FNDC1: variants seen among roughly 807,000 people sequenced by gnomAD.
FNDC1 encodes fibronectin type III domain-containing protein 1.
A neutral mutation model predicts 168.0 loss-of-function variants in FNDC1; 96 were observed. That is an observed-to-expected ratio of 0.57 (90% confidence interval 0.48 to 0.68). The LOEUF (loss-of-function observed/expected upper bound fraction) is 0.68. Among genes scored for constraint, FNDC1 ranks in the 30% least tolerant of loss-of-function variants. FNDC1 has a pLI of 0.00. For synonymous variants in FNDC1, 1,099 were observed against 1,025.9 expected (o/e 1.07, Z -1.36); for missense variants, 2,587 against 2,482.1 (o/e 1.04, Z -0.90).
chr6:159,219,884 T>A (rs1188165148), intron 5 of FNDC1, among the ~76,000 whole-genome samples: 2 of 152,124 alleles, frequency 1.3e-5, no homozygotes, highest in Non-Finnish European at 2.9e-5. Flanking sequence ...ATGGCCATTT[T>A]TGTTTGTTTG....
Position 159,232,638 on chromosome 6 carries a change from A to C in FNDC1, c.2126A>C (p.Asp709Ala), listed in dbSNP as rs1353664393. 3 of 1,612,318 alleles carry C rather than the reference A, an allele frequency of 1.9e-6. No homozygotes were observed. The highest frequency in any genetic ancestry group is 2.5e-6 in the Non-Finnish European group (3 of 1,178,918). The change falls in exon 11 of 23, where the codon GAT becomes GCT. Residue 709 changes from aspartate to alanine, a missense_variant. By Grantham distance (126) the Asp-to-Ala change is moderately radical. Transcript: ENST00000297267. The surrounding 1 kb of genome is among the most constrained non-coding windows in gnomAD (Gnocchi z 4.9). ...CCCCATTCAGGGGCCGCAGAGGAAG[A>C]TTCCAGTGCCTCAGCCCCACCCTCA... ...RTPHSGAAEEDSSASAPPSRL... is the reference protein window; with the variant it reads ...RTPHSGAAEEASSASAPPSRL...
chr6:159,245,514 C>T (rs1349251610), intron 14 of FNDC1, among the ~76,000 whole-genome samples: 1 of 152,062 alleles, frequency 6.6e-6, no homozygotes, highest in African/African-American at 2.4e-5. Context: ...AACCTTTTGC[C>T]TCAAGATTTT....
At chr6:159,261,348 G>T (rs1562312577) in intron 19 of FNDC1, 79 bp downstream of exon 19, 4 of 975,874 alleles carry the variant, frequency 4.1e-6, no homozygotes, top group Non-Finnish European at 6.3e-6. Flanking sequence ...GGCTACAATA[G>T]AATAAATCCT....
chr6:159,177,689 T>TG (rs1429872051), intron 1 of FNDC1, among the ~76,000 whole-genome samples: 3 of 152,166 alleles, frequency 2.0e-5, no homozygotes, highest in Non-Finnish European at 2.9e-5. Context: ...AAAATCCCCC[T>TG]GCAGAGAAGG....
chr6:159,244,150 A>G (rs1277334835), intron 14 of FNDC1, among the ~76,000 whole-genome samples: 1 of 152,252 alleles, frequency 6.6e-6, no homozygotes, highest in Non-Finnish European at 1.5e-5. Flanking sequence ...GCAAGACGAC[A>G]TTCCTAAAGG....
At chr6:159,251,968 T>C (rs1256049282) in intron 17 of FNDC1, among the ~76,000 whole-genome samples, 1 of 152,210 alleles carries the variant, frequency 6.6e-6, no homozygotes, top group Admixed American at 6.5e-5. Context: ...TTGTCCCTTT[T>C]TGGAGTCAGC....
At chr6:159,231,811 T>C (rs1350768359) in intron 10 of FNDC1, 71 bp from the exon 11 acceptor site, 7 of 1,330,114 alleles carry the variant, frequency 5.3e-6, no homozygotes, top group East Asian at 4.8e-5. Context: ...CTGTTTTAAA[T>C]ACTGTGTCTC....
chr6:159,230,323 AT>A (rs1326145943), intron 10 of FNDC1, among the ~76,000 whole-genome samples: 1 of 152,142 alleles, frequency 6.6e-6, no homozygotes, highest in East Asian at 1.9e-4. Flanking sequence ...GTAGTGTGAC[AT>A]TTTTCATTGT....
chr6:159,198,214 T>A (rs1782292368), intron 2 of FNDC1, among the ~76,000 whole-genome samples: 1 of 152,258 alleles, frequency 6.6e-6, no homozygotes, highest in Non-Finnish European at 1.5e-5. Context: ...CTCTGAATCC[T>A]CTGTCTTCTA....
At position 159,197,558 on chromosome 6, in the gene FNDC1, G is replaced by T; in HGVS notation, c.237G>T (p.Lys79Asn). ...AGCATTACAACATTGCCTATGGGAA[G>T]TCACTGAAAAGTCTTAAATACATCA... ...PVEHYNIAYG[K>N]SLKSLKYIKV... Residue 79 changes from lysine (K) to asparagine (N), a missense_variant, in exon 2 of 23, where the codon AAG becomes AAT. By Grantham distance (94) the Lys-to-Asn change is moderately conservative. Coordinates refer to ENST00000297267, the MANE Select transcript of FNDC1 (RefSeq NM_032532.3). 6.2e-7 allele frequency: 1 copy of T among 1,614,004 alleles called. No homozygotes were observed. Among genetic ancestry groups the T allele is most frequent in the Non-Finnish European group, 8.5e-7 (1 of 1,179,882 alleles).
At chr6:159,187,238 C>T (rs1003753552) in intron 1 of FNDC1, among the ~76,000 whole-genome samples, 3 of 152,102 alleles carry the variant, frequency 2.0e-5, no homozygotes, top group Non-Finnish European at 4.4e-5. Context: ...ATGGATTGGG[C>T]AGTGAGGAAT....
In FNDC1 at chr6:159,233,951, C is replaced by T; in HGVS notation, c.3439C>T (p.Arg1147Cys). ...CAGCCGACCCGGCGGCCCCCAGTCC[C>T]GCGCCCGGGTACCCAGCAGGGCAGC... Reference protein sequence around the residue: ...RPSRPGGPQSRARVPSRAAPG... With the variant: ...RPSRPGGPQSCARVPSRAAPG... Residue 1147 changes from arginine to cysteine, a missense_variant, in exon 11 of 23, where the codon CGC becomes TGC. Coordinates refer to ENST00000297267, the MANE Select transcript of FNDC1 (RefSeq NM_032532.3). The surrounding 1 kb of genome is among the most constrained non-coding windows in gnomAD (Gnocchi z 4.6). The T allele has an allele frequency of 6.4e-7, 1 of 1,569,058 alleles. No individual in the cohort carries two copies. The highest frequency in any genetic ancestry group is 8.6e-7 in the Non-Finnish European group (1 of 1,157,254).
At chr6:159,215,737 G>A (rs1201871974) in intron 5 of FNDC1, among the ~76,000 whole-genome samples, 4 of 152,166 alleles carry the variant, frequency 2.6e-5, no homozygotes, top group Non-Finnish European at 5.9e-5. Flanking sequence ...CTTGGGGTCC[G>A]ATGTTTGAGG....
intron 1 of FNDC1, among the ~76,000 whole-genome samples, chr6:159,188,553 A>G (rs1042479151): frequency 3.4e-5 from 5 of 145,510 alleles, no homozygotes; most frequent in Non-Finnish European, 7.6e-5. Context: ...TTTTTTTTTG[A>G]ATTTTTAGTA....
chr6:159,173,650 C>T (rs1456306075), intron 1 of FNDC1, among the ~76,000 whole-genome samples: 1 of 152,176 alleles, frequency 6.6e-6, no homozygotes, highest in East Asian at 1.9e-4. Flanking sequence ...TCCCTGAAAA[C>T]AGGAGGGGAA....
At chr6:159,269,416 TGTATGTATGTAG>T (rs1399514771) in intron 22 of FNDC1, among the ~76,000 whole-genome samples, 1 of 115,404 alleles carries the variant, frequency 8.7e-6, no homozygotes, top group African/African-American at 2.9e-5. Flanking sequence ...TATGTATGTA[TGTATGTATGTAG>T]GTATCCATCC....
chr6:159,193,557 G>T (rs2114940307), intron 1 of FNDC1, among the ~76,000 whole-genome samples: 1 of 152,280 alleles, frequency 6.6e-6, no homozygotes, highest in Non-Finnish European at 1.5e-5. Context: ...AGACCCTGCA[G>T]ATATTGGTCA....
At chr6:159,184,537 G>C (rs1018211025) in intron 1 of FNDC1, among the ~76,000 whole-genome samples, 1 of 152,154 alleles carries the variant, frequency 6.6e-6, no homozygotes, top group African/African-American at 2.4e-5. Flanking sequence ...TGTGGTAGCT[G>C]GCTCTTGGTC....
chr6:159,204,096 C>T (rs903490725), intron 4 of FNDC1, among the ~76,000 whole-genome samples: 1 of 152,180 alleles, frequency 6.6e-6, no homozygotes. Flanking sequence ...GACGCTTGCT[C>T]ATTTTTTTGG....
Sources: allele counts gnomAD v4.1 joint callset (sites outside exome capture counted in the v4.1 genomes callset), GRCh38; gene constraint gnomAD v4.1.1; non-coding constraint Gnocchi (gnomAD v3.1); transcripts MANE v1.5; gene names NCBI Gene and HGNC (gene_info 2026-07-23, HGNC 2026-07-21).